CBLC: variants seen among roughly 807,000 people sequenced by gnomAD.
The protein encoded by CBLC is Cbl proto-oncogene C, also known as E3 ubiquitin-protein ligase CBL-C.
In CBLC, 46 loss-of-function variants were observed where a neutral mutation model predicts 58.6. That is an observed-to-expected ratio of 0.79 (90% CI 0.62 to 1.00). The LOEUF (loss-of-function observed/expected upper bound fraction) is 1.00, where lower values mean the gene tolerates loss of function less well. Ranked by LOEUF, CBLC falls within the 50% of genes least tolerant of loss-of-function variation. The pLI, the probability that CBLC is intolerant of heterozygous loss-of-function variation, is 0.00. For missense variants in CBLC, 655 were observed against 625.8 expected (o/e 1.05, Z -0.50); for synonymous variants, 271 against 264.2 (o/e 1.03, Z -0.25).
In CBLC at chr19:44,794,224, A is replaced by G. The variant is rs768998253; in HGVS notation, c.1305A>G (p.Pro435=). 2.5e-6 allele frequency: 4 copies of G among 1,611,870 alleles called. No homozygotes were observed. The highest frequency in any genetic ancestry group is 2.2e-5 in the East Asian group (1 of 44,714). Residue 435 remains proline (P), a synonymous_variant, in exon 9 of 11, where the codon CCA becomes CCG. Transcript: ENST00000647358. ...ELGQVPLSAP[P]LPPRPDLPPR... ...CCCAGGTGCCCCTTTCGGCTCCTCCATTGCCCCCACGGCCAGATCTGCCCC... is the reference window on the plus strand; with the variant it reads ...CCCAGGTGCCCCTTTCGGCTCCTCCGTTGCCCCCACGGCCAGATCTGCCCC...
intron 9 of CBLC, among the ~76,000 whole-genome samples, chr19:44,797,355 A>T (rs1968199164): frequency 6.6e-6 from 1 of 151,806 alleles, no homozygotes; most frequent in Non-Finnish European, 1.5e-5. Context: ...GGTTCAAGCG[A>T]TTCTCCTGCC....
Position 44,798,050 on chromosome 19 carries a change from T to G in CBLC, c.1363-2331T>G, listed in dbSNP as rs566914131. Reference sequence around the variant, plus strand: ...GGTTGCTGTCTGCACGCTGCTGTTCTCCATCTGAGAAACCTCCCTTTAGGG... The same window carrying G: ...GGTTGCTGTCTGCACGCTGCTGTTCGCCATCTGAGAAACCTCCCTTTAGGG... On this transcript the variant is annotated intron_variant, in intron 9 of 10. Coordinates refer to ENST00000647358, the MANE Select transcript of CBLC (RefSeq NM_012116.4). 3.9e-5 allele frequency among the ~76,000 whole-genome samples: 6 copies of G among 152,174 alleles called. No homozygotes were observed. In the South Asian group the frequency reaches 1.2e-3, roughly 32 times the overall value.
At chr19:44,781,816 AG>A (rs1313677261) in intron 3 of CBLC, among the ~76,000 whole-genome samples, 1 of 34,458 alleles carries the variant, frequency 2.9e-5, no homozygotes, top group Non-Finnish European at 5.4e-5. Flanking sequence ...CTGAGGGAGG[AG>A]GGGGTGAGGG....
chr19:44,794,043 C>T (rs1968125459), intron 8 of CBLC, 161 bp from the exon 9 acceptor site: 2 of 847,560 alleles, frequency 2.4e-6, no homozygotes, highest in African/African-American at 1.9e-5. Flanking sequence ...CTGTGGCTTT[C>T]CCTGGCTGTA....
rs778906584 is a variant in CBLC, at chr19:44,778,022, C to T, written c.91C>T (p.Gln31Ter). 1 of 1,609,328 alleles carries T rather than the reference C, an allele frequency of 6.2e-7. No homozygotes were observed. The highest frequency in any genetic ancestry group is 8.5e-7 in the Non-Finnish European group (1 of 1,179,584). Residue 31 changes from glutamine to a stop codon, truncating the protein, a stop_gained, in exon 1 of 11, where the codon CAA becomes TAA. Coordinates refer to ENST00000647358, the MANE Select transcript of CBLC (RefSeq NM_012116.4). LOFTEE classifies it high-confidence loss of function. ...AVRMLQRLEE[Q>*]CVDPRLSVSP... Reference sequence around the variant, plus strand: ...CAGGATGCTGCAGCGCCTAGAAGAGCAATGCGTCGACCCCCGGCTGTCCGT... The same window carrying T: ...CAGGATGCTGCAGCGCCTAGAAGAGTAATGCGTCGACCCCCGGCTGTCCGT...
intron 1 of CBLC, among the ~76,000 whole-genome samples, chr19:44,778,975 C>T (rs1239641660): frequency 6.6e-6 from 1 of 152,146 alleles, no homozygotes; most frequent in Non-Finnish European, 1.5e-5. Flanking sequence ...TTTTCTCCTT[C>T]CTTGGGCACC....
intron 5 of CBLC, among the ~76,000 whole-genome samples, chr19:44,784,960 T>TTG (rs1967854643): frequency 1.1e-5 from 1 of 91,588 alleles, no homozygotes; most frequent in African/African-American, 5.4e-5. Flanking sequence ...GTTTTTTTTT[T>TTG]TTTTTTTTTT....
At chr19:44,797,078 C>A (rs1350597361) in intron 9 of CBLC, among the ~76,000 whole-genome samples, 2 of 152,166 alleles carry the variant, frequency 1.3e-5, no homozygotes, top group African/African-American at 4.8e-5. Flanking sequence ...CTGATGGTGA[C>A]ACCTTTGCCT....
chr19:44,794,131 A>G (rs1968126883), intron 8 of CBLC, 73 bp from the exon 9 acceptor site: 2 of 1,551,580 alleles, frequency 1.3e-6, no homozygotes, highest in East Asian at 4.6e-5. Context: ...GCTGAGTCCC[A>G]GGCAGGAGAA....
chr19:44,778,781 C>A (rs1170566534), intron 1 of CBLC, among the ~76,000 whole-genome samples: 1 of 133,294 alleles, frequency 7.5e-6, no homozygotes, highest in African/African-American at 2.9e-5. Flanking sequence ...GGCCCCCAGC[C>A]CCTCCTCCCT....
intron 6 of CBLC, among the ~76,000 whole-genome samples, chr19:44,790,414 T>C (rs1284429712): frequency 6.6e-6 from 1 of 152,098 alleles, no homozygotes; most frequent in East Asian, 1.9e-4. Context: ...AAAACAACAA[T>C]AACAAATAAA....
chr19:44,780,825 G>A (rs1015821828), intron 1 of CBLC, 80 bp from the exon 2 acceptor site: 7 of 1,421,698 alleles, frequency 4.9e-6, no homozygotes, highest in South Asian at 3.6e-5. Flanking sequence ...CCTTATCCCT[G>A]CAGGTGTTCC....
Position 44,784,375 on chromosome 19 carries a change from G to A in CBLC, c.891G>A (p.Val297=), listed in dbSNP as rs770190568. 3.1e-6 allele frequency: 5 copies of A among 1,592,462 alleles called. No homozygotes were observed. In the East Asian group the frequency reaches 9.0e-5, roughly 29 times the overall value. ...TIPANKPLSQ[V]LLEGQKDGFY... ...CTGCCAACAAACCCCTGTCCCAGGT[G>A]CTCCTGGAGGGACAGAAGGACGGCT... is the stretch of plus-strand genomic sequence containing the variant. Residue 297 remains valine (V), a synonymous_variant, in exon 5 of 11, where the codon GTG becomes GTA. Coordinates refer to ENST00000647358, the MANE Select transcript of CBLC (RefSeq NM_012116.4).
intron 9 of CBLC, among the ~76,000 whole-genome samples, chr19:44,795,946 T>C (rs1324867794): frequency 6.6e-6 from 1 of 152,182 alleles, no homozygotes; most frequent in African/African-American, 2.4e-5. Flanking sequence ...CTGGGCGCGG[T>C]GGCTTATGCC....
intron 5 of CBLC, among the ~76,000 whole-genome samples, chr19:44,787,329 G>A (rs182022158): frequency 6.6e-6 from 1 of 152,226 alleles, no homozygotes; most frequent in African/African-American, 2.4e-5. Flanking sequence ...GGGAGGTGGA[G>A]CTTGCAGTGA....
At chr19:44,779,178 G>T (rs1967657555) in intron 1 of CBLC, among the ~76,000 whole-genome samples, 1 of 152,144 alleles carries the variant, frequency 6.6e-6, no homozygotes, top group Non-Finnish European at 1.5e-5. Flanking sequence ...TCAGAACTTG[G>T]CCTGGTCTGG....
chr19:44,780,867 G>A, intron 1 of CBLC, 38 bp from the exon 2 acceptor site: 2 of 1,599,616 alleles, frequency 1.3e-6, no homozygotes, highest in Admixed American at 3.4e-5. Context: ...GTCAGTGGGA[G>A]CCCCAAGGAT....
rs1479289875 is a variant in CBLC at position 44,781,060 on chromosome 19, G to A, written c.500+9G>A. ...GAAAGTTGCGGAGCCCGGTGAGTAA[G>A]CCCTTGTCCTCAGCTCCCGGAGCCC... On this transcript the variant is annotated intron_variant, in intron 2 of 10. Transcript: ENST00000647358. 2 of 1,609,024 alleles carry A rather than the reference G, an allele frequency of 1.2e-6. No homozygotes were observed. The highest frequency in any genetic ancestry group is 1.3e-5 in the African/African-American group (1 of 74,862).
At chr19:44,791,976 G>T (rs1043428983) in intron 6 of CBLC, among the ~76,000 whole-genome samples, 2 of 151,388 alleles carry the variant, frequency 1.3e-5, no homozygotes, top group African/African-American at 4.9e-5. Context: ...GATAGAGGAG[G>T]TGTGGGATTT....
Sources: gnomAD v4.1 joint callset for allele counts (sites outside exome capture counted in the v4.1 genomes callset) on GRCh38, gnomAD v4.1.1 for gene constraint, MANE v1.5 for transcripts, NCBI Gene and HGNC (gene_info 2026-07-23, HGNC 2026-07-21) for gene names.